The following BCAR3 variants were observed in gnomAD, a reference collection of about 807,000 sequenced individuals.
The protein encoded by BCAR3 is breast cancer anti-estrogen resistance protein 3.
In BCAR3, 37 loss-of-function variants were observed where a neutral mutation model predicts 80.1. The observed-to-expected ratio is 0.46, with a 90% CI of 0.36 to 0.61. BCAR3 has a LOEUF of 0.61. Among genes scored for constraint, BCAR3 ranks in the 20% least tolerant of loss-of-function variants. BCAR3 has a pLI of 0.00. For missense variants in BCAR3, 978 were observed against 1,068.2 expected, an observed-to-expected ratio of 0.92 and a Z score of 1.18; for synonymous variants, 389 against 418.9, an observed-to-expected ratio of 0.93 and a Z score of 0.87.
chr1:93,604,536 C>G (rs559228080), intron 3 of BCAR3, among the ~76,000 whole-genome samples: 1 of 152,318 alleles, frequency 6.6e-6, no homozygotes, highest in Non-Finnish European at 1.5e-5. Context: ...AAGCAGGCAG[C>G]AGTAACTTAA....
intron 2 of BCAR3, among the ~76,000 whole-genome samples, chr1:93,842,998 A>G (rs1655016137): frequency 6.6e-6 from 1 of 152,202 alleles, no homozygotes; most frequent in Non-Finnish European, 1.5e-5. Context: ...TTGTGAGTAG[A>G]TTTTAGGATG....
intron 3 of BCAR3, among the ~76,000 whole-genome samples, chr1:93,621,130 G>A (rs1675294963): frequency 6.6e-6 from 1 of 152,250 alleles, no homozygotes; most frequent in Non-Finnish European, 1.5e-5. Flanking sequence ...AGCCTGGAGA[G>A]AAAATGGTCT....
At chr1:93,614,843 T>C (rs1675059128) in intron 3 of BCAR3, among the ~76,000 whole-genome samples, 1 of 152,076 alleles carries the variant, frequency 6.6e-6, no homozygotes, top group South Asian at 2.1e-4. Flanking sequence ...TTGCGTAACC[T>C]AGATCCTGCA....
chr1:93,687,486 T>G (rs913669131), intron 3 of BCAR3, among the ~76,000 whole-genome samples: 2 of 152,182 alleles, frequency 1.3e-5, no homozygotes, highest in Non-Finnish European at 2.9e-5. Context: ...TTTTGTATTT[T>G]TGTAGAGACG....
chr1:93,620,875 C>T (rs903939350), intron 3 of BCAR3, among the ~76,000 whole-genome samples: 4 of 152,236 alleles, frequency 2.6e-5, no homozygotes, highest in Non-Finnish European at 4.4e-5. Context: ...TCTCTGTGTC[C>T]TCCCAGATAC....
upstream of BCAR3, among the ~76,000 whole-genome samples, chr1:93,686,367 G>A (rs1433296643): frequency 2.0e-5 from 3 of 152,046 alleles, no homozygotes. Flanking sequence ...TTGTGCCTGT[G>A]CATAGCCACT....
At chr1:93,609,205 C>T (rs1351015708) in intron 3 of BCAR3, among the ~76,000 whole-genome samples, 1 of 152,100 alleles carries the variant, frequency 6.6e-6, no homozygotes, top group Non-Finnish European at 1.5e-5. Context: ...GGGGAAATGA[C>T]TTTAAAGGAA....
chr1:93,571,507 A>G (rs746170416), intron 9 of BCAR3, 163 bp downstream of exon 9: 7 of 899,388 alleles, frequency 7.8e-6, no homozygotes, highest in Admixed American at 5.5e-5. Context: ...AAAGAAAAAA[A>G]AAAGTAGACC....
At chr1:93,807,017 A>T (rs1259882566) in intron 2 of BCAR3, among the ~76,000 whole-genome samples, 1 of 152,094 alleles carries the variant, frequency 6.6e-6, no homozygotes, top group African/African-American at 2.4e-5. Flanking sequence ...AGGTGGGAAG[A>T]TTGCTTGAGC....
intron 3 of BCAR3, among the ~76,000 whole-genome samples, chr1:93,598,355 G>A (rs1458543444): frequency 1.3e-5 from 2 of 152,228 alleles, no homozygotes; most frequent in African/African-American, 2.4e-5. Flanking sequence ...GGTGGCATCT[G>A]CATTATAATT....
intron 2 of BCAR3, among the ~76,000 whole-genome samples, chr1:93,784,734 A>G (rs1652881839): frequency 6.6e-6 from 1 of 152,258 alleles, no homozygotes; most frequent in African/African-American, 2.4e-5. Flanking sequence ...AGAGCCTTTG[A>G]AAGGACAAAG....
intron 3 of BCAR3, among the ~76,000 whole-genome samples, chr1:93,613,139 C>T (rs1371874999): frequency 6.6e-6 from 1 of 152,048 alleles, no homozygotes; most frequent in African/African-American, 2.4e-5. Flanking sequence ...AGGCTGGGGC[C>T]GACAGGCTTT....
chr1:93,730,810 C>T (rs768074605), intron 2 of BCAR3, among the ~76,000 whole-genome samples: 2 of 152,226 alleles, frequency 1.3e-5, no homozygotes, highest in Non-Finnish European at 2.9e-5. Flanking sequence ...TGGAGCTTAC[C>T]TCCTTCCCCC....
intron 2 of BCAR3, among the ~76,000 whole-genome samples, chr1:93,762,003 C>A (rs890316445): frequency 6.6e-6 from 1 of 152,204 alleles, no homozygotes; most frequent in Non-Finnish European, 1.5e-5. Flanking sequence ...TGACTTCCTG[C>A]AAGAGTTGGG....
chr1:93,817,481 T>C (rs1654059930), intron 2 of BCAR3, among the ~76,000 whole-genome samples: 1 of 152,232 alleles, frequency 6.6e-6, no homozygotes, highest in African/African-American at 2.4e-5. Context: ...TCTTTTTCTC[T>C]CATTTACAGA....
intron 7 of BCAR3, among the ~76,000 whole-genome samples, chr1:93,578,006 G>A (rs1456874038): frequency 6.6e-6 from 1 of 152,238 alleles, no homozygotes; most frequent in Non-Finnish European, 1.5e-5. Flanking sequence ...CCAAGGTTAT[G>A]CAGCTCACTG....
intron 2 of BCAR3, among the ~76,000 whole-genome samples, chr1:93,774,438 C>T (rs1054959860): frequency 6.7e-6 from 1 of 149,064 alleles, no homozygotes; most frequent in Non-Finnish European, 1.5e-5. Flanking sequence ...GAGCCGAGAT[C>T]GGACCACTGC....
In BCAR3 at chr1:93,562,097, T is replaced by G; in HGVS notation, c.*144A>C. On this transcript the variant is annotated 3_prime_UTR_variant, in exon 12 of 12. Coordinates refer to ENST00000260502, the MANE Select transcript of BCAR3 (RefSeq NM_003567.4). ...TCATAAATAAGTGTGCTCTGTGCAA[T>G]TTACACGTTTAATATCCTGTGGATA... 1 of 764,882 alleles carries G rather than the reference T, an allele frequency of 1.3e-6. No homozygotes were observed. The highest frequency in any genetic ancestry group is 2.0e-6 in the Non-Finnish European group (1 of 503,428). 47.4% of individuals were successfully genotyped at this position (764,882 alleles called of 1,614,324 possible).
intron 2 of BCAR3, among the ~76,000 whole-genome samples, chr1:93,802,909 C>A (rs899452575): frequency 6.6e-6 from 1 of 152,186 alleles, no homozygotes; most frequent in Non-Finnish European, 1.5e-5. Context: ...GAGACTCCCT[C>A]CTTCTCCTTT....
Sources: gnomAD v4.1 joint callset for allele counts (sites outside exome capture counted in the v4.1 genomes callset) on GRCh38, gnomAD v4.1.1 for gene constraint, MANE v1.5 for transcripts, NCBI Gene and HGNC (gene_info 2026-07-23, HGNC 2026-07-21) for gene names.